The following ATP8A1 variants were observed in gnomAD, a reference collection of about 807,000 sequenced individuals.
ATP8A1 encodes phospholipid-transporting ATPase IA.
In ATP8A1, 90 loss-of-function variants were observed where a neutral mutation model predicts 177.7. That is an observed-to-expected ratio of 0.51 (90% CI 0.43 to 0.60). ATP8A1 has a LOEUF of 0.60. ATP8A1 is among the 20% of genes least tolerant of loss of function. ATP8A1 has a pLI of 0.00. For synonymous variants in ATP8A1, 493 were observed against 485.9 expected, an observed-to-expected ratio of 1.01 and a Z score of -0.19; for missense variants, 1,072 against 1,392.8, an observed-to-expected ratio of 0.77 and a Z score of 3.67.
chr4:42,458,983 T>C (rs1560346982), intron 27 of ATP8A1, among the ~76,000 whole-genome samples: 1 of 152,242 alleles, frequency 6.6e-6, no homozygotes, highest in Non-Finnish European at 1.5e-5. Context: ...TTTCTGTCTA[T>C]TCATTCACAG....
At chr4:42,648,314 A>C (rs1390812034) in intron 1 of ATP8A1, among the ~76,000 whole-genome samples, 1 of 151,912 alleles carries the variant, frequency 6.6e-6, no homozygotes, top group East Asian at 1.9e-4. Flanking sequence ...GCAATAAAGG[A>C]ATTTGATACC....
At chr4:42,649,325 T>C (rs1199583874) in intron 1 of ATP8A1, among the ~76,000 whole-genome samples, 4 of 152,182 alleles carry the variant, frequency 2.6e-5, no homozygotes, top group Non-Finnish European at 4.4e-5. Flanking sequence ...CAAATCTATA[T>C]TGGCACAGAT....
intron 12 of ATP8A1, among the ~76,000 whole-genome samples, chr4:42,576,286 A>C (rs191520149): frequency 6.5e-4 from 99 of 152,028 alleles, no homozygotes; most frequent in African/African-American, 2.4e-3. Flanking sequence ...CCTGGCTAAC[A>C]CGGTGAAACC....
At position 42,592,554 on chromosome 4, in the gene ATP8A1, G is replaced by A. The variant is rs183075506; in HGVS notation, c.451-1670C>T. 3.7e-4 allele frequency among the ~76,000 whole-genome samples: 57 copies of A among 152,112 alleles called. No individual in the cohort carries two copies. In the East Asian group the frequency reaches 7.7e-3, roughly 21 times the overall value. On this transcript the variant is annotated intron_variant, in intron 6 of 36. Transcript: ENST00000381668. Reference sequence around the variant, plus strand: ...AATTATGTCTCTAAGAGTTTAATTGGGAAAACAATACTTTCCCAAATTGTT... The same window carrying A: ...AATTATGTCTCTAAGAGTTTAATTGAGAAAACAATACTTTCCCAAATTGTT...
intron 33 of ATP8A1, among the ~76,000 whole-genome samples, chr4:42,431,216 A>G (rs907722239): frequency 6.6e-6 from 1 of 152,176 alleles, no homozygotes; most frequent in South Asian, 2.1e-4. Flanking sequence ...TTTAATTTTT[A>G]CTGATATGAG....
rs565470746 is a variant in ATP8A1 at position 42,503,840 on chromosome 4, C to T, written c.2087-326G>A. 9.2e-5 allele frequency among the ~76,000 whole-genome samples: 14 copies of T among 152,288 alleles called. No individual in the cohort carries two copies. In the East Asian group the frequency reaches 1.4e-3, roughly 15 times the overall value. ...ACATGAAGAGCAAAAGACAGGCCAA[C>T]GATTGTTTCTAGAAAATAGAATAAC... is the stretch of plus-strand genomic sequence containing the variant. On this transcript the variant is annotated intron_variant, in intron 23 of 36. Coordinates refer to ENST00000381668, the MANE Select transcript of ATP8A1 (RefSeq NM_006095.2).
intron 24 of ATP8A1, among the ~76,000 whole-genome samples, chr4:42,502,781 A>G (rs1316313232): frequency 6.6e-6 from 1 of 152,200 alleles, no homozygotes; most frequent in African/African-American, 2.4e-5. Flanking sequence ...CATAATGACT[A>G]TTTTAAGAAG....
At chr4:42,460,554 A>C (rs1354383137) in intron 27 of ATP8A1, among the ~76,000 whole-genome samples, 1 of 151,632 alleles carries the variant, frequency 6.6e-6, no homozygotes, top group African/African-American at 2.4e-5. Flanking sequence ...TGCCCAGCTA[A>C]TTTTTTGTAT....
At chr4:42,640,028 CTTTTGAT>C (rs1739808592) in intron 1 of ATP8A1, among the ~76,000 whole-genome samples, 1 of 152,162 alleles carries the variant, frequency 6.6e-6, no homozygotes, top group Non-Finnish European at 1.5e-5. Flanking sequence ...TTTCTGAATA[CTTTTGAT>C]CCATGATTGG....
chr4:42,641,843 GTCC>G (rs893302463), intron 1 of ATP8A1, among the ~76,000 whole-genome samples: 17 of 152,164 alleles, frequency 1.1e-4, no homozygotes, highest in African/African-American at 4.1e-4. Flanking sequence ...CAACAGACTA[GTCC>G]TCGTTTTATT....
chr4:42,552,553 C>T lies in ATP8A1; in HGVS notation c.1471G>A (p.Val491Met). 1.2e-6 allele frequency: 2 copies of T among 1,613,746 alleles called. No individual in the cohort carries two copies. The highest frequency in any genetic ancestry group is 1.7e-6 in the Non-Finnish European group (2 of 1,179,918). Residue 491 changes from valine to methionine, a missense_variant, in exon 17 of 37, where the codon GTG becomes ATG. Transcript: ENST00000381668. Reference sequence around the variant, plus strand: ...ATCTTGTCACCTTCTCGCTCTGGCACTGCTGTGTGACAGACTGCCATCATT... The same window carrying T: ...ATCTTGTCACCTTCTCGCTCTGGCATTGCTGTGTGACAGACTGCCATCATT... ...LTMMAVCHTA[V>M]PEREGDKIIY...
Position 42,588,256 on chromosome 4 carries a change from T to C in ATP8A1, c.594+4A>G, listed in dbSNP as rs1431233910. ...ATTATACATATACTTGTATCAGATCTTACCTGTCTAATTTTCAAGTTTGTT... is the reference window on the plus strand; with the variant it reads ...ATTATACATATACTTGTATCAGATCCTACCTGTCTAATTTTCAAGTTTGTT... On this transcript the variant is annotated splice_donor_region_variant and intron_variant, in intron 8 of 36. Transcript: ENST00000381668. The C allele has an allele frequency of 9.3e-6, 15 of 1,605,716 alleles. No homozygotes were observed. The African/African-American group carries it at 1.7e-4, about 19-fold the overall frequency.
At chr4:42,503,413 T>C in intron 24 of ATP8A1, 37 bp downstream of exon 24, 1 of 1,208,124 alleles carries the variant, frequency 8.3e-7, no homozygotes. Flanking sequence ...ATGAATATAT[T>C]ATTAAAGGAG....
At chr4:42,417,136 G>A (rs1713331361) in intron 35 of ATP8A1, among the ~76,000 whole-genome samples, 1 of 152,130 alleles carries the variant, frequency 6.6e-6, no homozygotes, top group African/African-American at 2.4e-5. Flanking sequence ...AAATAAATAA[G>A]TGATGATGAG....
intron 27 of ATP8A1, among the ~76,000 whole-genome samples, chr4:42,461,840 G>A (rs1300603493): frequency 5.3e-5 from 8 of 152,210 alleles, no homozygotes; most frequent in African/African-American, 1.4e-4. Flanking sequence ...CCAAAATGCT[G>A]ATAATGCTAT....
At chr4:42,459,916 C>A (rs183265492) in intron 27 of ATP8A1, among the ~76,000 whole-genome samples, 1,610 of 152,024 alleles carry the variant, frequency 0.011, 31 homozygotes, top group African/African-American at 0.037. Context: ...CTCAGCCTCC[C>A]AAGTAGCTGG....
chr4:42,656,029 G>A (rs1208871085), intron 1 of ATP8A1, among the ~76,000 whole-genome samples: 2 of 152,234 alleles, frequency 1.3e-5, no homozygotes, highest in Non-Finnish European at 1.5e-5. Context: ...AATATTTACA[G>A]AGTGCCTGCC....
At chr4:42,622,113 C>T (rs570273053) in intron 4 of ATP8A1, among the ~76,000 whole-genome samples, 17 of 152,108 alleles carry the variant, frequency 1.1e-4, no homozygotes, top group South Asian at 6.2e-4. Flanking sequence ...TGGTGGCTCA[C>T]GCCTGTAATC....
At chr4:42,641,606 T>G (rs1168444023) in intron 1 of ATP8A1, among the ~76,000 whole-genome samples, 1 of 152,156 alleles carries the variant, frequency 6.6e-6, no homozygotes, top group Non-Finnish European at 1.5e-5. Context: ...ATTATTAAAT[T>G]AGTTACTACA....
Sources: allele counts gnomAD v4.1 joint callset (sites outside exome capture counted in the v4.1 genomes callset), GRCh38; gene constraint gnomAD v4.1.1; transcripts MANE v1.5; gene names NCBI Gene and HGNC (gene_info 2026-07-23, HGNC 2026-07-21).